The following SHISAL1 variants were observed in gnomAD, a reference collection of about 807,000 sequenced individuals.
SHISAL1 encodes shisa like 1, also known as protein shisa-like-1.
A neutral mutation model predicts 22.6 loss-of-function variants in SHISAL1; 9 were observed. The observed-to-expected ratio is 0.40, with a 90% CI of 0.24 to 0.70. SHISAL1 has a LOEUF of 0.70. Among genes scored for constraint, SHISAL1 ranks in the 30% least tolerant of loss-of-function variants. SHISAL1 has a pLI of 0.39. For missense variants in SHISAL1, 246 were observed against 270.6 expected (o/e 0.91, Z 0.64); for synonymous variants, 119 against 115.4 (o/e 1.03, Z -0.20).
At chr22:44,258,220 C>T (rs1323724669) in intron 4 of SHISAL1, among the ~76,000 whole-genome samples, 1 of 152,140 alleles carries the variant, frequency 6.6e-6, no homozygotes, top group Non-Finnish European at 1.5e-5. Context: ...GCAGGAGAAT[C>T]ACTCGAATCC....
chr22:44,257,589 A>T (rs1332590683), intron 4 of SHISAL1, among the ~76,000 whole-genome samples: 2 of 152,378 alleles, frequency 1.3e-5, no homozygotes, highest in South Asian at 4.1e-4. Flanking sequence ...GCTTTAAAAA[A>T]ATAAAATCTA....
intron 1 of SHISAL1, among the ~76,000 whole-genome samples, chr22:44,303,330 A>C (rs1173656907): frequency 1.3e-5 from 2 of 152,110 alleles, no homozygotes; most frequent in African/African-American, 2.4e-5. Flanking sequence ...GTTTGGAAAT[A>C]GGGTCATCAC....
At position 44,256,328 on chromosome 22, in the gene SHISAL1, G is replaced by A. The variant is rs929109603; in HGVS notation, c.*-6643C>T. On this transcript the variant is annotated intron_variant, in intron 4 of 4. Coordinates refer to ENST00000381176, the MANE Select transcript of SHISAL1 (RefSeq NM_001099294.2). Reference sequence around the variant, plus strand: ...GGTCTCAGGCCCTCGACTCACACTGGAACTCACACCATTGGCTCCCCTGGG... The same window carrying A: ...GGTCTCAGGCCCTCGACTCACACTGAAACTCACACCATTGGCTCCCCTGGG... 6.6e-5 allele frequency among the ~76,000 whole-genome samples: 10 copies of A among 152,176 alleles called. 1 individual carries two copies. The highest frequency in any genetic ancestry group is 4.6e-4 in the Admixed American group (7 of 15,288).
chr22:44,311,145 C>T (rs1314135791), intron 1 of SHISAL1, among the ~76,000 whole-genome samples: 1 of 152,026 alleles, frequency 6.6e-6, no homozygotes, highest in Non-Finnish European at 1.5e-5. Context: ...TCCAGGGCTC[C>T]AGTGGGACAG....
chr22:44,273,511 A>G (rs1308931428), intron 4 of SHISAL1, among the ~76,000 whole-genome samples: 1 of 152,380 alleles, frequency 6.6e-6, no homozygotes, highest in East Asian at 1.9e-4. Context: ...AATTTGCAAT[A>G]GTGGCTGTGT....
upstream of SHISAL1, among the ~76,000 whole-genome samples, chr22:44,315,163 C>T (rs2055550161): frequency 6.6e-6 from 1 of 152,108 alleles, no homozygotes; most frequent in South Asian, 2.1e-4. Flanking sequence ...GCAAGGACTG[C>T]CGAGGGCGAA....
chr22:44,268,231 AAGT>A (rs1273429918), intron 4 of SHISAL1, among the ~76,000 whole-genome samples: 2 of 152,174 alleles, frequency 1.3e-5, no homozygotes, highest in Non-Finnish European at 2.9e-5. Flanking sequence ...AAATGCCACA[AAGT>A]GCTCTGAGAT....
At chr22:44,269,041 C>T (rs1273759071) in intron 4 of SHISAL1, among the ~76,000 whole-genome samples, 1 of 152,044 alleles carries the variant, frequency 6.6e-6, no homozygotes, top group Non-Finnish European at 1.5e-5. Flanking sequence ...GTCCCTGATG[C>T]TGGGGCTGCT....
In SHISAL1 at chr22:44,245,481, G is replaced by T. The variant is rs893548512; in HGVS notation, c.*4204C>A. The T allele has an allele frequency of 2.0e-5, 3 of 152,230 alleles. No homozygotes were observed. Among genetic ancestry groups the T allele is most frequent in the African/African-American group, 7.2e-5 (3 of 41,454 alleles). 9.4% of individuals were successfully genotyped at this position (152,230 alleles called of 1,614,324 possible). ...CTTCCGAAGGCTTTTCCTGTTGATG[G>T]GGACCAGTTCAGCCAAGTTGAAAAA... On this transcript the variant is annotated 3_prime_UTR_variant, in exon 5 of 5. Transcript: ENST00000381176.
intron 4 of SHISAL1, among the ~76,000 whole-genome samples, chr22:44,260,717 G>A (rs1470914322): frequency 1.3e-5 from 2 of 152,190 alleles, no homozygotes; most frequent in Non-Finnish European, 2.9e-5. Context: ...GGCCCTTCAG[G>A]GATAAGGGTG....
At chr22:44,255,305 T>C (rs1313606351) in intron 4 of SHISAL1, among the ~76,000 whole-genome samples, 1 of 152,180 alleles carries the variant, frequency 6.6e-6, no homozygotes, top group Non-Finnish European at 1.5e-5. Flanking sequence ...ACGTGTCTAC[T>C]CGATGTCACC....
At chr22:44,295,458 T>C (rs973978337) in intron 3 of SHISAL1, among the ~76,000 whole-genome samples, 5 of 152,058 alleles carry the variant, frequency 3.3e-5, no homozygotes, top group Non-Finnish European at 5.9e-5. Flanking sequence ...ATGGTATTTT[T>C]AATGACCTCA....
chr22:44,282,931 C>T (rs1369942871), intron 4 of SHISAL1, among the ~76,000 whole-genome samples: 1 of 152,200 alleles, frequency 6.6e-6, no homozygotes, highest in Non-Finnish European at 1.5e-5. Context: ...GGACCAGGGA[C>T]CTAGTCGGGT....
At chr22:44,290,639 G>A (rs1215534879) in intron 3 of SHISAL1, among the ~76,000 whole-genome samples, 1 of 152,026 alleles carries the variant, frequency 6.6e-6, no homozygotes, top group Non-Finnish European at 1.5e-5. Context: ...GGCTCAAGAC[G>A]TCAAGGCTGT....
rs61736837 is a variant in SHISAL1 at position 44,285,733 on chromosome 22, G to A, written c.294C>T (p.Ala98=). The part of the protein sequence containing the change: ...SEGYMHNNYT[A]LLGVWIYGFF... ...ATCCATAGATCCACACTCCCAACAA[G>A]GCGGTGTAATTGCTGCGAACAAACA... Residue 98 remains alanine, a synonymous_variant, in exon 4 of 5, where the codon GCC becomes GCT. Coordinates refer to ENST00000381176, the MANE Select transcript of SHISAL1 (RefSeq NM_001099294.2). The A allele has an allele frequency of 2.6e-3, 4,109 of 1,610,248 alleles. 89 individuals are homozygous for A. In the African/African-American group the frequency reaches 0.047, roughly 18 times the overall value.
chr22:44,321,298 C>CG, the SHISAL1 span, among the ~76,000 whole-genome samples: 1 of 152,206 alleles, frequency 6.6e-6, no homozygotes, highest in African/African-American at 2.4e-5. Flanking sequence ...ACAAGTGCCA[C>CG]GGAACAGCCA....
At chr22:44,298,477 C>T (rs1569223185) in intron 2 of SHISAL1, among the ~76,000 whole-genome samples, 1 of 151,088 alleles carries the variant, frequency 6.6e-6, no homozygotes, top group East Asian at 2.0e-4. Context: ...GGTTTGGGGC[C>T]CACTGGCCTA....
At chr22:44,300,760 G>A in intron 2 of SHISAL1, 119 bp downstream of exon 2, 1 of 798,454 alleles carries the variant, frequency 1.3e-6, no homozygotes. Flanking sequence ...CCAGTAAGGT[G>A]GAGGACAAAA....
At chr22:44,319,073 G>T in the SHISAL1 span, among the ~76,000 whole-genome samples, 1 of 152,258 alleles carries the variant, frequency 6.6e-6, no homozygotes, top group Non-Finnish European at 1.5e-5. Flanking sequence ...ACCTGCCCAG[G>T]ACAGTAGCCC....
Sources: gnomAD v4.1 joint callset for allele counts (sites outside exome capture counted in the v4.1 genomes callset) on GRCh38, gnomAD v4.1.1 for gene constraint, MANE v1.5 for transcripts, NCBI Gene and HGNC (gene_info 2026-07-23, HGNC 2026-07-21) for gene names.